PALM2AKAP2: variants seen among roughly 807,000 people sequenced by gnomAD.
PALM2AKAP2 encodes the protein PALM2 and AKAP2 fusion, also known as PALM2-AKAP2 fusion protein.
In PALM2AKAP2, 37 loss-of-function variants were observed where a neutral mutation model predicts 71.5. That is an observed-to-expected ratio of 0.52 (90% CI 0.40 to 0.68). PALM2AKAP2 has a LOEUF of 0.68. Ranked by LOEUF, PALM2AKAP2 falls within the 30% of genes least tolerant of loss-of-function variation. The pLI, the probability that PALM2AKAP2 is intolerant of heterozygous loss-of-function variation, is 0.00. For missense variants in PALM2AKAP2, 1,224 were observed against 1,191.8 expected (o/e 1.03, Z -0.40); for synonymous variants, 468 against 478.8 (o/e 0.98, Z 0.29).
intron 3 of PALM2AKAP2, among the ~76,000 whole-genome samples, chr9:110,158,052 G>A (rs1410021584): frequency 1.3e-5 from 2 of 152,202 alleles, no homozygotes; most frequent in Non-Finnish European, 2.9e-5. Flanking sequence ...TAGACAGTGG[G>A]ATGATGCCCG....
chr9:109,828,594 T>A (rs1828218018), intron 1 of PALM2AKAP2, among the ~76,000 whole-genome samples: 1 of 152,244 alleles, frequency 6.6e-6, no homozygotes, highest in Admixed American at 6.5e-5. Flanking sequence ...AATATAAAAA[T>A]GATAGTCATA....
At chr9:109,920,224 G>A (rs967139125) in intron 3 of PALM2AKAP2, among the ~76,000 whole-genome samples, 8 of 152,208 alleles carry the variant, frequency 5.3e-5, no homozygotes. Context: ...GCTGCGGCCA[G>A]TGCCAAGGGA....
At chr9:110,159,961 C>T (rs926397765) in intron 3 of PALM2AKAP2, among the ~76,000 whole-genome samples, 1 of 152,186 alleles carries the variant, frequency 6.6e-6, no homozygotes, top group South Asian at 2.1e-4. Context: ...AGTCTTCACC[C>T]ACCTGGGCTG....
chr9:109,776,427 A>G (rs1401710627), upstream of PALM2AKAP2, among the ~76,000 whole-genome samples: 2 of 152,236 alleles, frequency 1.3e-5, no homozygotes, highest in African/African-American at 2.4e-5. Context: ...ATTGTATTAG[A>G]TAGCTCACAG....
intron 1 of PALM2AKAP2, among the ~76,000 whole-genome samples, chr9:109,748,934 A>T (rs184685666): frequency 1.1e-3 from 160 of 152,302 alleles, no homozygotes; most frequent in African/African-American, 3.6e-3. Context: ...GACTCCAGCC[A>T]TATTGGATTA....
intron 6 of PALM2AKAP2, among the ~76,000 whole-genome samples, chr9:110,002,685 A>G (rs1369682559): frequency 6.6e-6 from 1 of 152,098 alleles, no homozygotes; most frequent in African/African-American, 2.4e-5. Context: ...TTGGTGAGCT[A>G]TTAATTATTG....
At chr9:110,023,898 T>C (rs945205544) in intron 7 of PALM2AKAP2, among the ~76,000 whole-genome samples, 6 of 152,000 alleles carry the variant, frequency 3.9e-5, no homozygotes, top group African/African-American at 1.4e-4. Context: ...AGGCAAGAGA[T>C]GGGAAGATCG....
In PALM2AKAP2 at chr9:109,646,201, T is replaced by C. The variant is rs57832337; in HGVS notation, c.5+5335T>C. Among the ~76,000 whole-genome samples the C allele has an allele frequency of 7.2e-4, 109 of 152,286 alleles. No homozygotes were observed. The East Asian group carries it at 0.02, about 29-fold the overall frequency. ...GTGTTCTTGTGTGGTACATGAAACA[T>C]CAGGCAATGGCAGGTACTTGCTGCC... On this transcript the variant is annotated intron_variant, in intron 1 of 6. Transcript: ENST00000374531.
intron 1 of PALM2AKAP2, among the ~76,000 whole-genome samples, chr9:109,823,322 G>A (rs1828060698): frequency 6.6e-6 from 1 of 152,196 alleles, no homozygotes; most frequent in Non-Finnish European, 1.5e-5. Context: ...TCTGACTTGA[G>A]CTGCAGGATC....
At position 109,721,164 on chromosome 9, in the gene PALM2AKAP2, T is replaced by C. The variant is rs147281520; in HGVS notation, c.6-59324T>C. Among the ~76,000 whole-genome samples the C allele has an allele frequency of 6.6e-5, 10 of 152,326 alleles. No individual in the cohort carries two copies. In the East Asian group the frequency reaches 1.9e-3, roughly 29 times the overall value. On this transcript the variant is annotated intron_variant, in intron 1 of 6. Transcript: ENST00000374531. The stretch of plus-strand genomic sequence containing the variant: ...CTGAATTACAGGATTCTAGCCAAAG[T>C]GTGCTCCCTAGAGGATTCCCAGCTA...
intron 1 of PALM2AKAP2, among the ~76,000 whole-genome samples, chr9:109,837,897 C>T (rs867649574): frequency 2.6e-4 from 40 of 152,126 alleles, no homozygotes; most frequent in African/African-American, 8.7e-4. Flanking sequence ...TAGAGACCTA[C>T]GAAGAGACTT....
At chr9:109,885,479 T>A (rs1354011760) in intron 3 of PALM2AKAP2, among the ~76,000 whole-genome samples, 1 of 152,206 alleles carries the variant, frequency 6.6e-6, no homozygotes, top group Non-Finnish European at 1.5e-5. Flanking sequence ...CAGATAATTC[T>A]GTTGTATGGT....
At chr9:109,772,458 A>G (rs904915962) in intron 1 of PALM2AKAP2, among the ~76,000 whole-genome samples, 4 of 152,262 alleles carry the variant, frequency 2.6e-5, no homozygotes, top group Admixed American at 6.5e-5. Context: ...AACAGCATTC[A>G]AATATAGGTT....
chr9:109,716,279 T>G (rs887774143), intron 1 of PALM2AKAP2, among the ~76,000 whole-genome samples: 9 of 152,208 alleles, frequency 5.9e-5, no homozygotes, highest in Non-Finnish European at 1.3e-4. Context: ...AATTACATGA[T>G]GAAGGCGTAA....
At chr9:109,876,024 C>T (rs145719127) in intron 2 of PALM2AKAP2, among the ~76,000 whole-genome samples, 75 of 152,292 alleles carry the variant, frequency 4.9e-4, no homozygotes, top group Middle Eastern at 3.4e-3. Flanking sequence ...AGTTTGAGAC[C>T]AGCCTGGCCA....
At chr9:110,088,661 C>T (rs867894466) in intron 1 of PALM2AKAP2, among the ~76,000 whole-genome samples, 4 of 150,272 alleles carry the variant, frequency 2.7e-5, no homozygotes, top group South Asian at 4.2e-4. Flanking sequence ...CTGCACTCTC[C>T]AGCCACTGGC....
At chr9:109,686,328 T>A (rs1818874002) in intron 1 of PALM2AKAP2, among the ~76,000 whole-genome samples, 1 of 152,260 alleles carries the variant, frequency 6.6e-6, no homozygotes, top group African/African-American at 2.4e-5. Flanking sequence ...CTGTGACAGT[T>A]ATAGCCTTAT....
intron 1 of PALM2AKAP2, among the ~76,000 whole-genome samples, chr9:109,708,092 G>T (rs553073326): frequency 6.6e-6 from 1 of 151,946 alleles, no homozygotes; most frequent in East Asian, 1.9e-4. Context: ...TCTTTAAATC[G>T]CTGTGGGCAT....
chr9:109,975,541 A>G (rs544486032), intron 6 of PALM2AKAP2, among the ~76,000 whole-genome samples: 2 of 152,230 alleles, frequency 1.3e-5, no homozygotes, highest in Non-Finnish European at 2.9e-5. Flanking sequence ...CTATCTAGCC[A>G]TTCCTTGGCT....
Sources: gnomAD v4.1 joint callset for allele counts (sites outside exome capture counted in the v4.1 genomes callset) on GRCh38, gnomAD v4.1.1 for gene constraint, MANE v1.5 for transcripts, NCBI Gene and HGNC (gene_info 2026-07-23, HGNC 2026-07-21) for gene names.